TAAR5: variants seen among roughly 807,000 people sequenced by gnomAD.
The protein encoded by TAAR5 is trace amine associated receptor 5, also known as trace amine-associated receptor 5.
TAAR5 carries 27 observed loss-of-function variants against 21.1 expected under a neutral mutation model. That is an observed-to-expected ratio of 1.28 (90% CI 0.94 to 1.76). The LOEUF is 1.76. Ranked by LOEUF, TAAR5 falls within the 40% of genes most tolerant of loss-of-function variation. TAAR5 has a pLI of 0.00. For synonymous variants in TAAR5, 203 were observed against 167.5 expected (o/e 1.21, Z -1.64); for missense variants, 495 against 405.6 (o/e 1.22, Z -1.89).
At chr6:132,604,146 C>CTTTTTTTTTTTTTTT in the TAAR5 span, among the ~76,000 whole-genome samples, 3 of 126,002 alleles carry the variant, frequency 2.4e-5, no homozygotes, top group African/African-American at 5.9e-5. Flanking sequence ...TTTTTCTTTT[C>CTTTTTTTTTTTTTTT]TTTTTTTTTT....
Position 132,588,627 on chromosome 6 carries a change from T to A in TAAR5, c.*46A>T. 2 of 1,564,404 alleles carry A rather than the reference T, an allele frequency of 1.3e-6. No individual in the cohort carries two copies. The highest frequency in any genetic ancestry group is 4.5e-5 in the East Asian group (2 of 44,380). ...CAGCCCACGGTCACAGTGCCACTTA[T>A]CTTTCCTGTGAGGTCCTACTCCTTG... On this transcript the variant is annotated 3_prime_UTR_variant, in exon 1 of 1. Coordinates refer to ENST00000258034, the MANE Select transcript of TAAR5 (RefSeq NM_003967.3).
At chr6:132,603,302 C>CAAAAA in the TAAR5 span, among the ~76,000 whole-genome samples, 17 of 99,192 alleles carry the variant, frequency 1.7e-4, no homozygotes, top group East Asian at 8.1e-4. Flanking sequence ...GACCCTATCT[C>CAAAAA]AAAAAAAAAA....
chr6:132,591,929 T>G (rs1776912874), upstream of TAAR5, among the ~76,000 whole-genome samples: 1 of 152,230 alleles, frequency 6.6e-6, no homozygotes, highest in African/African-American at 2.4e-5. Flanking sequence ...TTAAAATTCA[T>G]AAAGTGCAGT....
In TAAR5 at chr6:132,589,653, G is replaced by T. The variant is rs182014077; in HGVS notation, c.34C>A (p.His12Asn). 1.9e-6 allele frequency: 3 copies of T among 1,602,562 alleles called. No individual in the cohort carries two copies. Among genetic ancestry groups the T allele is most frequent in the East Asian group, 4.5e-5 (2 of 44,320 alleles). The change falls in exon 1 of 1, where the codon CAC (histidine) becomes AAC (asparagine). Residue 12 changes from histidine (H) to asparagine (N), a missense_variant. Coordinates refer to ENST00000258034, the MANE Select transcript of TAAR5 (RefSeq NM_003967.3). The part of the protein sequence containing the change: ...RAVFIQGAEE[H>N]PAAFCYQVNG... ...ACCTGGTAGCAGAATGCCGCAGGGT[G>T]CTCTTCAGCACCTTGGATGAAGACA...
At chr6:132,614,438 C>A in the TAAR5 span, among the ~76,000 whole-genome samples, 1 of 152,186 alleles carries the variant, frequency 6.6e-6, no homozygotes, top group African/African-American at 2.4e-5. Flanking sequence ...ACTATCTTCT[C>A]AATTGCAACC....
chr6:132,601,265 CAAAT>C, the TAAR5 span, among the ~76,000 whole-genome samples: 5 of 152,272 alleles, frequency 3.3e-5, no homozygotes, highest in South Asian at 4.1e-4. Flanking sequence ...CACTAACTAA[CAAAT>C]AAATCTGAAT....
rs1463550314 is a variant in TAAR5 at position 132,589,740 on chromosome 6, G to A, written c.-54C>T. 5 of 142,976 alleles carry A rather than the reference G, an allele frequency of 3.5e-5. No homozygotes were observed. The highest frequency in any genetic ancestry group is 1.7e-4 in the Admixed American group (1 of 5,996). 8.9% of individuals were successfully genotyped at this position (142,976 alleles called of 1,614,324 possible). Reference sequence around the variant, plus strand: ...GAACTGGCCACCTTCTCCACTGGAGGGCAAAAAAAAAAAAAAAAAAAAAAA... The same window carrying A: ...GAACTGGCCACCTTCTCCACTGGAGAGCAAAAAAAAAAAAAAAAAAAAAAA... On this transcript the variant is annotated 5_prime_UTR_variant, in exon 1 of 1. Coordinates refer to ENST00000258034, the MANE Select transcript of TAAR5 (RefSeq NM_003967.3).
At position 132,589,639 on chromosome 6, in the gene TAAR5, G is replaced by A. The variant is rs147135761; in HGVS notation, c.48C>T (p.Phe16=). ...IQGAEEHPAA[F]CYQVNGSCPR... ...GGCAAGACCCATTCACCTGGTAGCAGAATGCCGCAGGGTGCTCTTCAGCAC... is the reference window on the plus strand; with the variant it reads ...GGCAAGACCCATTCACCTGGTAGCAAAATGCCGCAGGGTGCTCTTCAGCAC... Residue 16 remains phenylalanine, a synonymous_variant, in exon 1 of 1, where the codon TTC becomes TTT. Transcript: ENST00000258034. The A allele has an allele frequency of 1.2e-3, 1,920 of 1,602,752 alleles. 7 individuals are homozygous for A. The highest frequency in any genetic ancestry group is 1.3e-3 in the Non-Finnish European group (1,484 of 1,174,350).
At chr6:132,595,743 C>T in the TAAR5 span, among the ~76,000 whole-genome samples, 1 of 152,172 alleles carries the variant, frequency 6.6e-6, no homozygotes, top group Non-Finnish European at 1.5e-5. Flanking sequence ...ATTAACCTTA[C>T]ACAGGATTCC....
the TAAR5 span, among the ~76,000 whole-genome samples, chr6:132,610,798 C>G: frequency 6.6e-6 from 1 of 152,188 alleles, no homozygotes; most frequent in Non-Finnish European, 1.5e-5. Flanking sequence ...GTTGAGAGTT[C>G]TCCTAGTCCA....
chr6:132,597,192 C>A, the TAAR5 span, among the ~76,000 whole-genome samples: 1 of 151,964 alleles, frequency 6.6e-6, no homozygotes, highest in African/African-American at 2.4e-5. Context: ...TGGCATGAAA[C>A]AACTTATAGA....
chr6:132,589,124 C>G lies in TAAR5; in HGVS notation c.563G>C (p.Cys188Ser). The G allele has an allele frequency of 6.2e-7, 1 of 1,612,826 alleles. No individual in the cohort carries two copies. Among genetic ancestry groups the G allele is most frequent in the Non-Finnish European group, 8.5e-7 (1 of 1,179,350 alleles). The change falls in exon 1 of 1, where the codon TGT becomes TCT. Residue 188 changes from cysteine to serine, a missense_variant. By Grantham distance (112) the Cys-to-Ser change is moderately radical (BLOSUM62 -1). Coordinates refer to ENST00000258034, the MANE Select transcript of TAAR5 (RefSeq NM_003967.3). ...RLSQWLEEMPCVGSCQLLLNK... is the reference protein window; with the variant it reads ...RLSQWLEEMPSVGSCQLLLNK... ...GAGCAGCAGCTGGCAACTGCCCACA[C>G]AAGGCATCTCTTCCAGCCACTGGCT...
chr6:132,593,134 G>T (rs145795639), upstream of TAAR5, among the ~76,000 whole-genome samples: 33 of 152,200 alleles, frequency 2.2e-4, no homozygotes, highest in African/African-American at 5.5e-4. Flanking sequence ...TCTAATAGAG[G>T]CTCTGGTTCC....
the TAAR5 span, among the ~76,000 whole-genome samples, chr6:132,598,347 C>T: frequency 1.3e-5 from 2 of 152,124 alleles, no homozygotes; most frequent in African/African-American, 2.4e-5. Context: ...AGAGGGGTAT[C>T]TTTCAACACA....
chr6:132,589,363 G>T lies in TAAR5; in HGVS notation c.324C>A (p.Arg108=), dbSNP rs773727393. 5.6e-6 allele frequency: 9 copies of T among 1,614,100 alleles called. No homozygotes were observed. The highest frequency in any genetic ancestry group is 7.6e-6 in the Non-Finnish European group (9 of 1,179,986). The change falls in exon 1 of 1, where the codon CGC becomes CGA. Residue 108 remains arginine, a synonymous_variant. Coordinates refer to ENST00000258034, the MANE Select transcript of TAAR5 (RefSeq NM_003967.3). ...AGAGGGTGTCCAGGTAGGTGTGCAGGCGGCAGAGGAAGTCCCCGAAGAACC... is the reference window on the plus strand; with the variant it reads ...AGAGGGTGTCCAGGTAGGTGTGCAGTCGGCAGAGGAAGTCCCCGAAGAACC... ...SCWFFGDFLC[R]LHTYLDTLFC...
At chr6:132,611,611 A>T in the TAAR5 span, among the ~76,000 whole-genome samples, 1 of 152,188 alleles carries the variant, frequency 6.6e-6, no homozygotes, top group African/African-American at 2.4e-5. Context: ...GGAAAAGTTG[A>T]TCGGGCTCAG....
At chr6:132,605,881 A>G in the TAAR5 span, among the ~76,000 whole-genome samples, 1 of 152,210 alleles carries the variant, frequency 6.6e-6, no homozygotes, top group Non-Finnish European at 1.5e-5. Flanking sequence ...AGTTGATTGG[A>G]TAAAGAAAAT....
the TAAR5 span, among the ~76,000 whole-genome samples, chr6:132,607,921 A>C: frequency 6.6e-6 from 1 of 152,256 alleles, no homozygotes; most frequent in South Asian, 2.1e-4. Flanking sequence ...AAATTCTTAT[A>C]TTGCTTTTTA....
At chr6:132,611,624 T>C in the TAAR5 span, among the ~76,000 whole-genome samples, 1 of 152,126 alleles carries the variant, frequency 6.6e-6, no homozygotes, top group Admixed American at 6.6e-5. Context: ...GGGCTCAGGA[T>C]AGGGTACCCC....
Sources: allele counts gnomAD v4.1 joint callset (sites outside exome capture counted in the v4.1 genomes callset), GRCh38; gene constraint gnomAD v4.1.1; transcripts MANE v1.5; gene names NCBI Gene and HGNC (gene_info 2026-07-23, HGNC 2026-07-21).